MRTFA: variants seen among roughly 807,000 people sequenced by gnomAD.
MRTFA encodes myocardin-related transcription factor A.
MRTFA carries 20 observed loss-of-function variants against 83.5 expected under a neutral mutation model. The ratio of observed to expected loss-of-function variants is 0.24; its 90% CI spans 0.17 to 0.35. MRTFA has a LOEUF of 0.35. Ranked by LOEUF, MRTFA falls within the 10% of genes least tolerant of loss-of-function variation. The probability of loss-of-function intolerance (pLI) is 1.00; values close to 1 mark genes in which losing one functional copy is unlikely to be tolerated. For synonymous variants in MRTFA, 659 were observed against 541.2 expected (o/e 1.22, Z -3.02); for missense variants, 1,200 against 1,224.7 (o/e 0.98, Z 0.30).
chr22:40,520,510 G>C (rs888937560), intron 3 of MRTFA, among the ~76,000 whole-genome samples: 1 of 151,954 alleles, frequency 6.6e-6, no homozygotes, highest in Non-Finnish European at 1.5e-5. Context: ...AGGTTCAAGC[G>C]ACTGTTGTGC....
chr22:40,446,125 G>C (rs943332133), intron 4 of MRTFA, among the ~76,000 whole-genome samples: 1 of 152,184 alleles, frequency 6.6e-6, no homozygotes, highest in African/African-American at 2.4e-5. Context: ...AGTTTGAAAG[G>C]TGACACCAGA....
chr22:40,460,351 G>A (rs949515401), intron 4 of MRTFA, among the ~76,000 whole-genome samples: 3 of 152,170 alleles, frequency 2.0e-5, no homozygotes, highest in Non-Finnish European at 2.9e-5. Context: ...AGAAAGCAGG[G>A]CACTCAATCT....
chr22:40,417,400 G>A lies in MRTFA; in HGVS notation c.2458C>T (p.Leu820=). ...TAGCCAGGTGGTTCCTTCTTCAGCA[G>A]AGAAGTGGGGGTCCCAAAGAGGGGC... Residue 820 remains leucine, a synonymous_variant, in exon 13 of 15, where the codon CTG becomes TTG. Coordinates refer to ENST00000355630, the MANE Select transcript of MRTFA (RefSeq NM_020831.6). 6.2e-7 allele frequency: 1 copy of A among 1,611,588 alleles called. No individual in the cohort carries two copies. Among genetic ancestry groups the A allele is most frequent in the Non-Finnish European group, 8.5e-7 (1 of 1,179,774 alleles).
rs894548892 is a variant in MRTFA, at chr22:40,570,577, C to CAAAA, written c.-21-18214_-21-18211dup. Among the ~76,000 whole-genome samples the CAAAA allele has an allele frequency of 3.3e-3, 76 of 23,140 alleles. 7 individuals are homozygous for CAAAA. Among genetic ancestry groups the CAAAA allele is most frequent in the Middle Eastern group, 0.048 (2 of 42 alleles). The allele number at this position is 23,140 out of a possible 152,430, so 15.2% of individuals were successfully genotyped here. ...TAGGCGACAGAGCGAGACTCTGTCT[C>CAAAA]AAAAAAAAAAAAAAAAAAAAAAAAA... is the stretch of plus-strand genomic sequence containing the variant. On this transcript the variant is annotated intron_variant, in intron 2 of 14. Coordinates refer to ENST00000355630, the MANE Select transcript of MRTFA (RefSeq NM_020831.6).
At position 40,410,786 on chromosome 22, in the gene MRTFA, C is replaced by CA. The variant is rs72655387; in HGVS notation, c.*603dup. 5 of 232,326 alleles carry CA rather than the reference C, an allele frequency of 2.2e-5. No individual in the cohort carries two copies. Among genetic ancestry groups the CA allele is most frequent in the Admixed American group, 1.1e-4 (2 of 17,730 alleles). 14.4% of individuals were successfully genotyped at this position (232,326 alleles called of 1,614,324 possible). A position where few individuals can be genotyped will look rare whatever the true frequency, so the allele number is the denominator to read the frequency against. On this transcript the variant is annotated 3_prime_UTR_variant, in exon 15 of 15. Transcript: ENST00000355630. ...CACCCATCTCCTGTCCGCCCCCCCC[C>CA]AAAAATATATATGTATGTCGATATA...
intron 2 of MRTFA, among the ~76,000 whole-genome samples, chr22:40,571,301 G>C (rs541943807): frequency 2.0e-5 from 3 of 152,196 alleles, no homozygotes; most frequent in Admixed American, 2.0e-4. Context: ...AAATGTAAGA[G>C]ATGAAAATGT....
chr22:40,492,358 T>C (rs977400323), intron 3 of MRTFA, among the ~76,000 whole-genome samples: 4 of 152,184 alleles, frequency 2.6e-5, no homozygotes, highest in African/African-American at 7.2e-5. Context: ...GTAACTCTAC[T>C]GGCAAAACAT....
chr22:40,452,074 C>T (rs1410929764), intron 4 of MRTFA, among the ~76,000 whole-genome samples: 1 of 148,034 alleles, frequency 6.8e-6, no homozygotes, highest in Non-Finnish European at 1.5e-5. Flanking sequence ...ACCTCTGCCT[C>T]CCAGGTTCAA....
chr22:40,440,858 G>A (rs1223132208), intron 4 of MRTFA, among the ~76,000 whole-genome samples: 4 of 152,188 alleles, frequency 2.6e-5, no homozygotes, highest in Admixed American at 2.0e-4. Flanking sequence ...GCAGAAAATA[G>A]GTTTCCAAGT....
At chr22:40,510,435 G>T (rs952122456) in intron 3 of MRTFA, among the ~76,000 whole-genome samples, 1 of 151,892 alleles carries the variant, frequency 6.6e-6, no homozygotes, top group Non-Finnish European at 1.5e-5. Flanking sequence ...ATAAATAATT[G>T]ATTGAAATAA....
At chr22:40,629,255 C>T in intron 1 of MRTFA, among the ~76,000 whole-genome samples, 1 of 151,318 alleles carries the variant, frequency 6.6e-6, no homozygotes, top group Admixed American at 6.6e-5. Context: ...ACCAGCCTGT[C>T]CAATATGGTG....
chr22:40,429,889 T>A, intron 6 of MRTFA, 122 bp from the exon 7 acceptor site: 1 of 1,039,568 alleles, frequency 9.6e-7, no homozygotes, highest in Non-Finnish European at 1.4e-6. Flanking sequence ...ACGGTAAGCA[T>A]ATTCCAAGCA....
intron 2 of MRTFA, among the ~76,000 whole-genome samples, chr22:40,590,529 T>A (rs1048701794): frequency 6.6e-6 from 1 of 151,338 alleles, no homozygotes; most frequent in Admixed American, 6.6e-5. Context: ...TAGTCGGGCA[T>A]AGTGGCACAC....
chr22:40,501,938 G>A (rs2054486215), intron 3 of MRTFA, among the ~76,000 whole-genome samples: 1 of 102,226 alleles, frequency 9.8e-6, no homozygotes, highest in Non-Finnish European at 2.0e-5. Context: ...GCTGGGCAGA[G>A]GCGCCCCTCA....
intron 3 of MRTFA, among the ~76,000 whole-genome samples, chr22:40,527,231 G>C (rs2054992041): frequency 6.6e-6 from 1 of 151,902 alleles, no homozygotes; most frequent in Non-Finnish European, 1.5e-5. Flanking sequence ...TTGTCACATA[G>C]TCCTCTTTTC....
intron 6 of MRTFA, among the ~76,000 whole-genome samples, chr22:40,430,506 A>C (rs2053046172): frequency 1.3e-5 from 2 of 152,000 alleles, no homozygotes; most frequent in African/African-American, 4.8e-5. Flanking sequence ...AGACTAGACA[A>C]ACAATAAGTA....
intron 2 of MRTFA, among the ~76,000 whole-genome samples, chr22:40,580,582 T>C (rs764283237): frequency 6.6e-5 from 10 of 152,208 alleles, no homozygotes; most frequent in East Asian, 5.8e-4. Context: ...ATTTATGACA[T>C]ACTGCCATAT....
chr22:40,491,627 TAA>T (rs2054274114), intron 3 of MRTFA, among the ~76,000 whole-genome samples: 1 of 152,160 alleles, frequency 6.6e-6, no homozygotes, highest in Admixed American at 6.5e-5. Flanking sequence ...ATTTTATGGA[TAA>T]AACATTGAAT....
chr22:40,565,552 C>G (rs1210793105), intron 2 of MRTFA, among the ~76,000 whole-genome samples: 5 of 149,856 alleles, frequency 3.3e-5, no homozygotes, highest in Admixed American at 3.3e-4. Context: ...ATCCCCACTT[C>G]AAAAAAAAAC....
Sources: allele counts gnomAD v4.1 joint callset (sites outside exome capture counted in the v4.1 genomes callset), GRCh38; gene constraint gnomAD v4.1.1; transcripts MANE v1.5; gene names NCBI Gene and HGNC (gene_info 2026-07-23, HGNC 2026-07-21).